Variants in GABRB2 observed in about 807,000 individuals in gnomAD.
GABRB2 encodes gamma-aminobutyric acid receptor subunit beta-2.
Under a neutral mutation model 54.7 loss-of-function variants are expected in GABRB2, and 16 were observed. The observed-to-expected ratio is 0.29, with a 90% CI of 0.20 to 0.44. The LOEUF (loss-of-function observed/expected upper bound fraction) is 0.44. Ranked by LOEUF, GABRB2 falls within the 20% of genes least tolerant of loss-of-function variation. The pLI is 1.00. For synonymous variants in GABRB2, 244 were observed against 233.8 expected (o/e 1.04, Z -0.40); for missense variants, 355 against 644.0 (o/e 0.55, Z 4.86).
chr5:161,467,761 A>C (rs1758320412), intron 3 of GABRB2, among the ~76,000 whole-genome samples: 1 of 152,082 alleles, frequency 6.6e-6, no homozygotes, highest in South Asian at 2.1e-4. Flanking sequence ...TACCTGAATA[A>C]TATCAAAATG....
chr5:161,483,573 C>T (rs1271474870), intron 3 of GABRB2, among the ~76,000 whole-genome samples: 2 of 151,862 alleles, frequency 1.3e-5, no homozygotes, highest in Admixed American at 6.6e-5. Flanking sequence ...ACATGAATAA[C>T]TCTCAGGTGC....
At position 161,451,057 on chromosome 5, in the gene GABRB2, T is replaced by A. The variant is rs892463183; in HGVS notation, c.458+8567A>T. The stretch of plus-strand genomic sequence containing the variant: ...TAAAAATTGATATATTAATGTTTGA[T>A]AAAATATATTTCAGTGTGAGATGAC... On this transcript the variant is annotated intron_variant, in intron 4 of 9. Coordinates refer to ENST00000393959, the MANE Select transcript of GABRB2 (RefSeq NM_001371727.1). Among the ~76,000 whole-genome samples, 3 of 152,302 alleles carry A rather than the reference T, an allele frequency of 2.0e-5. No individual in the cohort carries two copies. The South Asian group carries it at 6.2e-4, about 32-fold the overall frequency.
chr5:161,335,476 G>A (rs1050478746), intron 6 of GABRB2, among the ~76,000 whole-genome samples: 1 of 152,052 alleles, frequency 6.6e-6, no homozygotes, highest in East Asian at 1.9e-4. Flanking sequence ...CATTGCATTT[G>A]AGCAATATTT....
chr5:161,399,723 A>C (rs1407320681), intron 5 of GABRB2, among the ~76,000 whole-genome samples: 1 of 152,164 alleles, frequency 6.6e-6, no homozygotes, highest in East Asian at 1.9e-4. Flanking sequence ...CTAAACCTTA[A>C]TCAATACATT....
At chr5:161,401,223 C>T (rs1439902418) in intron 5 of GABRB2, among the ~76,000 whole-genome samples, 1 of 152,146 alleles carries the variant, frequency 6.6e-6, no homozygotes, top group Admixed American at 6.6e-5. Flanking sequence ...GGTGGGTTTT[C>T]ACTTGTGAGA....
In GABRB2 at chr5:161,497,981, G is replaced by A. The variant is rs183396461; in HGVS notation, c.238-38137C>T. Among the ~76,000 whole-genome samples the A allele has an allele frequency of 3.2e-3, 482 of 152,276 alleles. 1 individual carries two copies. The highest frequency in any genetic ancestry group is 4.1e-3 in the Non-Finnish European group (278 of 68,010). On this transcript the variant is annotated intron_variant, in intron 3 of 9. Transcript: ENST00000393959. Reference sequence around the variant, plus strand: ...AAAATTATTTTAAAACTAAAAGAGAGTGAAATGTTTCTTTGAGAAACATTC... The same window carrying A: ...AAAATTATTTTAAAACTAAAAGAGAATGAAATGTTTCTTTGAGAAACATTC...
chr5:161,374,800 C>T (rs1334329129), intron 5 of GABRB2, among the ~76,000 whole-genome samples: 1 of 152,158 alleles, frequency 6.6e-6, no homozygotes. Flanking sequence ...TAACTATACA[C>T]CACATTATAT....
In GABRB2 at chr5:161,372,992, T is replaced by C. The variant is rs74936007; in HGVS notation, c.542-36223A>G. 7.3e-4 allele frequency among the ~76,000 whole-genome samples: 111 copies of C among 152,326 alleles called. 2 individuals are homozygous for C. In the East Asian group the frequency reaches 0.02, roughly 28 times the overall value. On this transcript the variant is annotated intron_variant, in intron 5 of 9. Coordinates refer to ENST00000393959, the MANE Select transcript of GABRB2 (RefSeq NM_001371727.1). ...AGCACTAACATAGGACATTTATTTA[T>C]AGAAAAATTCAACACAGTGAAGTGC...
At chr5:161,362,294 T>C (rs1754837421) in intron 5 of GABRB2, among the ~76,000 whole-genome samples, 1 of 152,102 alleles carries the variant, frequency 6.6e-6, no homozygotes, top group South Asian at 2.1e-4. Flanking sequence ...TGTAAAGTAG[T>C]TTTTTTCTAA....
chr5:161,504,631 C>T lies in GABRB2; in HGVS notation c.237+40596G>A, dbSNP rs138137124. ...CTTAACATTAATGATCTAGGATAAA[C>T]CTTAACGAATTTTAAAAAGAAATGC... On this transcript the variant is annotated intron_variant, in intron 3 of 9. Coordinates refer to ENST00000393959, the MANE Select transcript of GABRB2 (RefSeq NM_001371727.1). 3.2e-3 allele frequency among the ~76,000 whole-genome samples: 482 copies of T among 150,516 alleles called. 4 individuals carry two copies. Among genetic ancestry groups the T allele is most frequent in the African/African-American group, 0.011 (456 of 40,938 alleles).
chr5:161,345,130 C>T (rs985011804), intron 5 of GABRB2, among the ~76,000 whole-genome samples: 8 of 151,860 alleles, frequency 5.3e-5, no homozygotes, highest in African/African-American at 7.3e-5. Flanking sequence ...CACCATGGCA[C>T]GTGTATACCT....
Position 161,411,054 on chromosome 5 carries a change from G to T in GABRB2, c.462C>A (p.Ile154=). The part of the protein sequence containing the change: ...PDGTVLYGLR[I]TTTAACMMDL... ...CCATCATGCAGGCAGCTGTGGTTGT[G>T]ATTCTAGAAGACAAATAGCAATGAT... Residue 154 remains isoleucine (I), a synonymous_variant, in exon 5 of 10, where the codon ATC becomes ATA. Coordinates refer to ENST00000393959, the MANE Select transcript of GABRB2 (RefSeq NM_001371727.1). 1 of 1,612,276 alleles carries T rather than the reference G, an allele frequency of 6.2e-7. No homozygotes were observed.
chr5:161,400,172 A>G (rs1561637026), intron 5 of GABRB2, among the ~76,000 whole-genome samples: 1 of 152,204 alleles, frequency 6.6e-6, no homozygotes, highest in African/African-American at 2.4e-5. Context: ...AACAAAAACA[A>G]CAGGAGGTTT....
intron 5 of GABRB2, among the ~76,000 whole-genome samples, chr5:161,400,225 C>G (rs1756141279): frequency 6.6e-6 from 1 of 152,184 alleles, no homozygotes; most frequent in African/African-American, 2.4e-5. Context: ...ATTTACGCCT[C>G]TGGCTTATGA....
At position 161,288,502 on chromosome 5, in the gene GABRB2, A is replaced by G. The variant is rs1001277672; in HGVS notation, c.*5579T>C. 1 of 152,654 alleles carries G rather than the reference A, an allele frequency of 6.6e-6. No individual in the cohort carries two copies. Among genetic ancestry groups the G allele is most frequent in the Admixed American group, 6.5e-5 (1 of 15,272 alleles). 9.5% of individuals were successfully genotyped at this position (152,654 alleles called of 1,614,324 possible). On this transcript the variant is annotated 3_prime_UTR_variant, in exon 10 of 10. Transcript: ENST00000393959. ...CTAGCCAACATTATTATATATTTAC[A>G]TGCTGAAACTGGCTGCAATAAGTTT...
chr5:161,400,372 C>T (rs918680936), intron 5 of GABRB2, among the ~76,000 whole-genome samples: 6 of 152,078 alleles, frequency 3.9e-5, no homozygotes, highest in Non-Finnish European at 5.9e-5. Flanking sequence ...TGCAGGATGA[C>T]GGCATTGCTG....
chr5:161,495,476 A>AT (rs557846201), intron 3 of GABRB2, among the ~76,000 whole-genome samples: 2 of 152,122 alleles, frequency 1.3e-5, no homozygotes, highest in East Asian at 1.9e-4. Flanking sequence ...ATTTTAATGA[A>AT]TTTTTTTAAT....
intron 9 of GABRB2, among the ~76,000 whole-genome samples, chr5:161,323,105 A>G (rs530838658): frequency 1.3e-5 from 2 of 151,284 alleles, no homozygotes; most frequent in Non-Finnish European, 2.9e-5. Context: ...TCTCACTGCA[A>G]CCTCCACCCC....
chr5:161,525,366 A>G (rs1760246232), intron 3 of GABRB2, among the ~76,000 whole-genome samples: 1 of 151,386 alleles, frequency 6.6e-6, no homozygotes, highest in Non-Finnish European at 1.5e-5. Context: ...AAATTTAATA[A>G]TTTTTAGATT....
Sources: allele counts gnomAD v4.1 joint callset (sites outside exome capture counted in the v4.1 genomes callset), GRCh38; gene constraint gnomAD v4.1.1; transcripts MANE v1.5; gene names NCBI Gene and HGNC (gene_info 2026-07-23, HGNC 2026-07-21).